Variants in KSR2 observed in about 807,000 individuals in gnomAD.
KSR2 encodes the protein kinase suppressor of ras 2.
Under a neutral mutation model 107.8 loss-of-function variants are expected in KSR2, and 25 were observed. The ratio of observed to expected loss-of-function variants is 0.23; its 90% CI spans 0.17 to 0.32. The LOEUF (loss-of-function observed/expected upper bound fraction) is 0.32, where lower values mean the gene tolerates loss of function less well. Among genes scored for constraint, KSR2 ranks in the 10% least tolerant of loss-of-function variants. The pLI is 1.00. For synonymous variants in KSR2, 480 were observed against 507.0 expected (o/e 0.95, Z 0.71); for missense variants, 887 against 1,268.9 (o/e 0.70, Z 4.57).
At chr12:117,754,377 C>T (rs815686) in intron 4 of KSR2, among the ~76,000 whole-genome samples, 136,245 of 152,108 alleles carry the variant, frequency 0.9, 61,319 homozygotes, top group African/African-American at 0.97. Flanking sequence ...GTGGCTCACA[C>T]CTGTAATCCC....
At position 117,968,103 on chromosome 12, in the gene KSR2, G is replaced by A. The variant is rs1468496500; in HGVS notation, c.153C>T (p.Leu51=). ...LRTKCATSND[L]TQKEIRTLES... ...CCAGGGTCCGGATTTCTTTTTGTGT[G>A]AGGTCGTTGGAGGTAGCACATTTGG... Residue 51 remains leucine, a synonymous_variant, in exon 1 of 20, where the codon CTC becomes CTT. Coordinates refer to ENST00000339824, the MANE Select transcript of KSR2 (RefSeq NM_173598.6). 6.4e-7 allele frequency: 1 copy of A among 1,570,624 alleles called. No individual in the cohort carries two copies. Among genetic ancestry groups the A allele is most frequent in the Admixed American group, 1.7e-5 (1 of 57,496 alleles).
At chr12:117,651,216 G>A (rs1456574858) in intron 5 of KSR2, among the ~76,000 whole-genome samples, 1 of 152,156 alleles carries the variant, frequency 6.6e-6, no homozygotes, top group Non-Finnish European at 1.5e-5. Flanking sequence ...GATAAACCCT[G>A]CCCTGCCTGA....
rs552861886 is a variant in KSR2, at chr12:117,818,935, G to A, written c.472+36493C>T. Among the ~76,000 whole-genome samples, 90 of 152,228 alleles carry A rather than the reference G, an allele frequency of 5.9e-4. 1 individual carries two copies. The South Asian group carries it at 0.014, about 24-fold the overall frequency. On this transcript the variant is annotated intron_variant, in intron 3 of 19. Coordinates refer to ENST00000339824, the MANE Select transcript of KSR2 (RefSeq NM_173598.6). ...AAAGGCTATCATGAAGCATGACATG[G>A]AGGCCTTTGCTGACCAGGGCAGCCC...
intron 5 of KSR2, among the ~76,000 whole-genome samples, chr12:117,606,418 T>C (rs1460638466): frequency 7.7e-5 from 4 of 51,902 alleles, no homozygotes; most frequent in Non-Finnish European, 1.1e-4. Context: ...CCTCCCTCCC[T>C]CCCCTCCTTC....
intron 3 of KSR2, among the ~76,000 whole-genome samples, chr12:117,801,778 G>A (rs2137022751): frequency 6.6e-6 from 1 of 152,164 alleles, no homozygotes; most frequent in East Asian, 1.9e-4. Context: ...CAGGGACACA[G>A]ACCCAAACCA....
intron 5 of KSR2, among the ~76,000 whole-genome samples, chr12:117,585,270 A>C (rs1182571049): frequency 6.6e-6 from 1 of 152,146 alleles, no homozygotes; most frequent in African/African-American, 2.4e-5. Flanking sequence ...CTCTCCATCA[A>C]AAATCCCCCA....
chr12:117,642,530 T>C (rs563739210), intron 5 of KSR2, among the ~76,000 whole-genome samples: 6 of 152,332 alleles, frequency 3.9e-5, no homozygotes, highest in Non-Finnish European at 7.3e-5. Context: ...TCCCTCTTGG[T>C]TGACCCTGAG....
intron 1 of KSR2, among the ~76,000 whole-genome samples, chr12:117,961,239 T>C (rs1372158917): frequency 6.6e-6 from 1 of 152,196 alleles, no homozygotes; most frequent in Non-Finnish European, 1.5e-5. Flanking sequence ...TTGTCTTCTC[T>C]GCACTTTCTC....
intron 4 of KSR2, among the ~76,000 whole-genome samples, chr12:117,752,893 C>T (rs1274769517): frequency 1.3e-5 from 2 of 152,212 alleles, no homozygotes; most frequent in East Asian, 1.9e-4. Flanking sequence ...AATCATTGCA[C>T]ACATAGAGTT....
At chr12:117,737,278 T>C (rs1887982196) in intron 4 of KSR2, among the ~76,000 whole-genome samples, 1 of 152,248 alleles carries the variant, frequency 6.6e-6, no homozygotes, top group Non-Finnish European at 1.5e-5. Flanking sequence ...ATATTTTATT[T>C]TCACACTGAA....
chr12:117,471,268 C>A lies in KSR2; in HGVS notation c.2635G>T (p.Ala879Ser), dbSNP rs1164305231. ...CCCATTTGCCAGATTATTGCCTCTG[C>A]TGGTTGGGTCTTGAAAGGCCATTCC... ...AREWPFKTQP[A>S]EAIIWQMGTG... The change falls in exon 18 of 20, where the codon GCA (alanine) becomes TCA (serine). Residue 879 changes from alanine (A) to serine (S), a missense_variant. Coordinates refer to ENST00000339824, the MANE Select transcript of KSR2 (RefSeq NM_173598.6). The A allele has an allele frequency of 6.2e-7, 1 of 1,613,796 alleles. No homozygotes were observed. The highest frequency in any genetic ancestry group is 8.5e-7 in the Non-Finnish European group (1 of 1,179,864).
At position 117,667,455 on chromosome 12, in the gene KSR2, G is replaced by A; in HGVS notation, c.1171+19C>T. 6.2e-7 allele frequency: 1 copy of A among 1,603,366 alleles called. No individual in the cohort carries two copies. Among genetic ancestry groups the A allele is most frequent in the South Asian group, 1.1e-5 (1 of 88,984 alleles). The stretch of plus-strand genomic sequence containing the variant: ...TGGCATGGCAAGCGTTCCCAGTGCA[G>A]CCCGGCAGGGTGACTTACTTGCAGA... On this transcript the variant is annotated intron_variant, in intron 5 of 19. Coordinates refer to ENST00000339824, the MANE Select transcript of KSR2 (RefSeq NM_173598.6).
At chr12:117,555,965 G>A (rs1197834368) in intron 8 of KSR2, among the ~76,000 whole-genome samples, 1 of 152,092 alleles carries the variant, frequency 6.6e-6, no homozygotes, top group Admixed American at 6.5e-5. Context: ...TGTTGTTGTT[G>A]TTGTTGTTGT....
At chr12:117,637,430 A>G (rs1390280915) in intron 5 of KSR2, among the ~76,000 whole-genome samples, 2 of 152,200 alleles carry the variant, frequency 1.3e-5, no homozygotes, top group African/African-American at 2.4e-5. Flanking sequence ...AGCCCCTACC[A>G]CAAAGAATTA....
chr12:117,691,957 A>C (rs1885831435), intron 4 of KSR2, among the ~76,000 whole-genome samples: 1 of 152,232 alleles, frequency 6.6e-6, no homozygotes, highest in Non-Finnish European at 1.5e-5. Context: ...AGCTGCTTGC[A>C]CAAGGGCACA....
intron 3 of KSR2, among the ~76,000 whole-genome samples, chr12:117,773,757 T>G (rs545882359): frequency 6.6e-6 from 1 of 152,310 alleles, no homozygotes; most frequent in Admixed American, 6.5e-5. Flanking sequence ...CCTCATAACT[T>G]TCTGGCAAGA....
chr12:117,695,381 G>A (rs531389942), intron 4 of KSR2, among the ~76,000 whole-genome samples: 2 of 152,040 alleles, frequency 1.3e-5, no homozygotes, highest in African/African-American at 2.4e-5. Context: ...AATAACAAAT[G>A]TTCTGTTATG....
At chr12:117,488,190 A>T (rs1872571286) in intron 14 of KSR2, among the ~76,000 whole-genome samples, 1 of 152,178 alleles carries the variant, frequency 6.6e-6, no homozygotes, top group South Asian at 2.1e-4. Context: ...GCCATGTGGA[A>T]CTGTGAGTCC....
chr12:117,844,356 T>C (rs1012508418), intron 3 of KSR2, among the ~76,000 whole-genome samples: 2 of 151,932 alleles, frequency 1.3e-5, no homozygotes, highest in African/African-American at 4.8e-5. Context: ...CCCAGGGAAT[T>C]ATGATGATGA....
Sources: allele counts gnomAD v4.1 joint callset (sites outside exome capture counted in the v4.1 genomes callset), GRCh38; gene constraint gnomAD v4.1.1; transcripts MANE v1.5; gene names NCBI Gene and HGNC (gene_info 2026-07-23, HGNC 2026-07-21).